TARBP1: variants seen among roughly 807,000 people sequenced by gnomAD.
TARBP1 encodes the protein tRNA guanosine 2 -O-methyltransferase TARBP1.
Under a neutral mutation model 178.6 loss-of-function variants are expected in TARBP1, and 144 were observed. That is an observed-to-expected ratio of 0.81 (90% CI 0.70 to 0.93). The LOEUF is 0.93. Among genes scored for constraint, TARBP1 ranks in the 40% least tolerant of loss-of-function variants. The pLI is 0.00. For missense variants in TARBP1, 2,067 were observed against 2,011.7 expected (o/e 1.03, Z -0.53); for synonymous variants, 787 against 781.0 (o/e 1.01, Z -0.13).
chr1:234,437,508 A>C, intron 12 of TARBP1, 136 bp from the exon 13 acceptor site: 3 of 492,114 alleles, frequency 6.1e-6, no homozygotes, highest in Non-Finnish European at 7.4e-6. Context: ...TAATATAATA[A>C]TCATTCACCC....
At chr1:234,422,780 CAG>C (rs1323574515) in intron 20 of TARBP1, among the ~76,000 whole-genome samples, 1 of 152,156 alleles carries the variant, frequency 6.6e-6, no homozygotes, top group African/African-American at 2.4e-5. Flanking sequence ...CTTGAGGTGA[CAG>C]ATATCTCATT....
chr1:234,425,305 A>C (rs1663606829), intron 20 of TARBP1, among the ~76,000 whole-genome samples: 1 of 152,214 alleles, frequency 6.6e-6, no homozygotes, highest in Non-Finnish European at 1.5e-5. Flanking sequence ...AGTGAAGTAC[A>C]GATGGTACAC....
intron 19 of TARBP1, 55 bp from the exon 20 acceptor site, chr1:234,425,848 C>T: frequency 7.4e-7 from 1 of 1,343,770 alleles, no homozygotes. Context: ...AGAAAATTAA[C>T]ATCAAATATT....
At chr1:234,434,346 T>G (rs1003083053) in intron 13 of TARBP1, among the ~76,000 whole-genome samples, 7 of 152,158 alleles carry the variant, frequency 4.6e-5, no homozygotes, top group African/African-American at 1.7e-4. Flanking sequence ...CTATGGCACA[T>G]AGAAAGCACA....
At chr1:234,437,482 C>CA in intron 12 of TARBP1, 110 bp from the exon 13 acceptor site, 1 of 539,240 alleles carries the variant, frequency 1.9e-6, no homozygotes, top group Middle Eastern at 2.9e-4. Flanking sequence ...AATCACTTGC[C>CA]AAAAATAAAT....
rs760857919 is a variant in TARBP1, at chr1:234,416,383, C to T, written c.3705+1701G>A. ...TGATCCTGGCTCATTGCAACCTCCA[C>T]CTCCCTGGGTTCAAGCTATTCTCCT... On this transcript the variant is annotated intron_variant, in intron 22 of 29. Transcript: ENST00000040877. Among the ~76,000 whole-genome samples, 72 of 152,292 alleles carry T rather than the reference C, an allele frequency of 4.7e-4. 1 individual carries two copies. The highest frequency in any genetic ancestry group is 1.2e-3 in the Admixed American group (19 of 15,304).
At chr1:234,437,797 C>T (rs528691687) in intron 12 of TARBP1, among the ~76,000 whole-genome samples, 4 of 152,288 alleles carry the variant, frequency 2.6e-5, no homozygotes, top group East Asian at 1.9e-4. Context: ...GCAGAATGGG[C>T]GCCAGCTTTC....
intron 23 of TARBP1, among the ~76,000 whole-genome samples, chr1:234,409,283 C>T (rs180772774): frequency 1.8e-4 from 28 of 152,088 alleles, no homozygotes; most frequent in South Asian, 1.0e-3. Context: ...AAGGGCTTGA[C>T]AGAAAAATAA....
intron 22 of TARBP1, among the ~76,000 whole-genome samples, chr1:234,413,588 A>T (rs780176302): frequency 6.6e-6 from 1 of 152,212 alleles, no homozygotes; most frequent in Admixed American, 6.5e-5. Flanking sequence ...ACACAGAGAG[A>T]CTAGAGAGGA....
At position 234,430,243 on chromosome 1, in the gene TARBP1, A is replaced by C. The variant is rs1572295965; in HGVS notation, c.2453T>G (p.Val818Gly). The change falls in exon 15 of 30, where the codon GTG becomes GGG. Residue 818 changes from valine to glycine, a missense_variant. Transcript: ENST00000040877. The stretch of plus-strand genomic sequence containing the variant: ...AGGCTTCTGGTCTATGGCCTCACAC[A>C]CCATGGCCAAGGCAGCCATGCTCAC... ...RVVSMAALAM[V>G]CEAIDQKPEL... 6.2e-7 allele frequency: 1 copy of C among 1,614,116 alleles called. No homozygotes were observed. The highest frequency in any genetic ancestry group is 1.1e-5 in the South Asian group (1 of 91,086).
intron 24 of TARBP1, among the ~76,000 whole-genome samples, chr1:234,402,767 T>C (rs933225747): frequency 5.9e-5 from 9 of 151,992 alleles, no homozygotes; most frequent in African/African-American, 2.2e-4. Flanking sequence ...ATTATTTTTA[T>C]AGAGAACGGG....
rs1667432403 is a variant in TARBP1, at chr1:234,457,766, G to T, written c.1633-10C>A. Reference sequence around the variant, plus strand: ...AAAGTGACACTTTCTCCTGGGCAGGGCAGGAAAGGTTTTAAAAATTACTCG... The same window carrying T: ...AAAGTGACACTTTCTCCTGGGCAGGTCAGGAAAGGTTTTAAAAATTACTCG... On this transcript the variant is annotated splice_polypyrimidine_tract_variant and intron_variant, in intron 8 of 29. Transcript: ENST00000040877. The T allele has an allele frequency of 3.1e-6, 5 of 1,595,422 alleles. No individual in the cohort carries two copies. Among genetic ancestry groups the T allele is most frequent in the Non-Finnish European group, 3.4e-6 (4 of 1,170,842 alleles).
intron 1 of TARBP1, among the ~76,000 whole-genome samples, chr1:234,475,894 T>G (rs936785004): frequency 6.6e-6 from 1 of 152,182 alleles, no homozygotes. Context: ...TAAAGTGCAC[T>G]GAAAACAAAT....
Position 234,450,550 on chromosome 1 carries a change from C to A in TARBP1, c.1739G>T (p.Arg580Leu), listed in dbSNP as rs367818085. The change falls in exon 10 of 30, where the codon CGT (arginine) becomes CTT (leucine). Residue 580 changes from arginine (R) to leucine (L), a missense_variant. By Grantham distance (102) the Arg-to-Leu change is moderately radical. Transcript: ENST00000040877. ...SLWTELCDWL[R>L]VNESYFKPSP... is the part of the protein sequence containing the mutation. ...TGGCTTAAAATAGCTTTCATTAACA[C>A]GTAGCCAGTCACACAGCTGGAAAAG... The A allele has an allele frequency of 6.2e-7, 1 of 1,607,894 alleles. No homozygotes were observed. Among genetic ancestry groups the A allele is most frequent in the East Asian group, 2.2e-5 (1 of 44,556 alleles).
At chr1:234,478,131 C>T (rs1026344731) in intron 1 of TARBP1, 42 bp downstream of exon 1, 28 of 1,587,876 alleles carry the variant, frequency 1.8e-5, no homozygotes, top group Non-Finnish European at 2.0e-5. Context: ...TCTGGGGCAG[C>T]CAAGTAGGTA....
intron 20 of TARBP1, among the ~76,000 whole-genome samples, chr1:234,421,475 T>C (rs1453720845): frequency 1.3e-5 from 2 of 152,080 alleles, no homozygotes; most frequent in Non-Finnish European, 2.9e-5. Context: ...GGACATATAT[T>C]GCCACATACT....
intron 26 of TARBP1, among the ~76,000 whole-genome samples, chr1:234,394,537 G>A (rs1185044456): frequency 1.3e-5 from 2 of 152,210 alleles, no homozygotes; most frequent in African/African-American, 2.4e-5. Context: ...CTGTAACACA[G>A]TACAACAGTG....
intron 3 of TARBP1, among the ~76,000 whole-genome samples, chr1:234,469,213 T>C (rs1048919547): frequency 1.3e-5 from 2 of 151,722 alleles, no homozygotes; most frequent in African/African-American, 4.8e-5. Context: ...ATAAATATCT[T>C]AGAGATATTT....
intron 20 of TARBP1, among the ~76,000 whole-genome samples, chr1:234,424,078 T>C (rs938199827): frequency 4.9e-4 from 74 of 152,306 alleles, no homozygotes; most frequent in African/African-American, 1.7e-3. Context: ...TAAAAAATAT[T>C]TCCAAGGTTT....
Sources: allele counts gnomAD v4.1 joint callset (sites outside exome capture counted in the v4.1 genomes callset), GRCh38; gene constraint gnomAD v4.1.1; transcripts MANE v1.5; gene names NCBI Gene and HGNC (gene_info 2026-07-23, HGNC 2026-07-21).